KCTD20: variants seen among roughly 807,000 people sequenced by gnomAD.
KCTD20 encodes the protein potassium channel tetramerization domain containing 20.
Under a neutral mutation model 39.6 loss-of-function variants are expected in KCTD20, and 30 were observed. The ratio of observed to expected loss-of-function variants is 0.76; its 90% confidence interval spans 0.57 to 1.03. The LOEUF is 1.03. Among genes scored for constraint, KCTD20 ranks in the 50% least tolerant of loss-of-function variants. The pLI is 0.00. For missense variants in KCTD20, 422 were observed against 522.0 expected, an observed-to-expected ratio of 0.81 and a Z score of 1.87; for synonymous variants, 162 against 180.6, an observed-to-expected ratio of 0.90 and a Z score of 0.83.
intron 1 of KCTD20, among the ~76,000 whole-genome samples, chr6:36,462,484 G>A (rs1039640567): frequency 6.6e-6 from 1 of 152,170 alleles, no homozygotes; most frequent in African/African-American, 2.4e-5. Flanking sequence ...GATCACTTGA[G>A]GAGCGTGTTA....
At chr6:36,445,905 T>C (rs1197740509) in intron 1 of KCTD20, among the ~76,000 whole-genome samples, 2 of 151,762 alleles carry the variant, frequency 1.3e-5, no homozygotes, top group African/African-American at 2.4e-5. Flanking sequence ...ACCATATAAA[T>C]CATAAAAAGT....
chr6:36,479,264 G>T (rs757222247), intron 4 of KCTD20, 41 bp downstream of exon 4: 15 of 1,395,504 alleles, frequency 1.1e-5, no homozygotes, highest in Non-Finnish European at 1.5e-5. Context: ...TTCCTCAGGG[G>T]CATGTGTGAT....
At chr6:36,464,203 A>T (rs2127439529) in intron 1 of KCTD20, among the ~76,000 whole-genome samples, 1 of 152,218 alleles carries the variant, frequency 6.6e-6, no homozygotes, top group East Asian at 1.9e-4. Context: ...TTGACATTAT[A>T]ATTCTGAAAC....
chr6:36,473,220 T>C (rs925108237), intron 2 of KCTD20, among the ~76,000 whole-genome samples: 2 of 151,710 alleles, frequency 1.3e-5, no homozygotes, highest in Non-Finnish European at 2.9e-5. Context: ...GCCACCACAC[T>C]CAGCTAATTT....
intron 1 of KCTD20, among the ~76,000 whole-genome samples, chr6:36,448,066 G>A (rs868051828): frequency 7.0e-6 from 1 of 142,864 alleles, no homozygotes; most frequent in Admixed American, 7.0e-5. Context: ...TTTATGATAA[G>A]TATAAAGTAA....
In KCTD20 at chr6:36,474,910, T is replaced by C. The variant is rs766126006; in HGVS notation, c.282T>C (p.Phe94=). The change falls in exon 3 of 8, where the codon TTT becomes TTC. Residue 94 remains phenylalanine, a synonymous_variant. Coordinates refer to ENST00000373731, the MANE Select transcript of KCTD20 (RefSeq NM_173562.5). ...QSGNKRNHEP[F]IAPERFGNSS... is the part of the protein sequence containing the mutation. The stretch of plus-strand genomic sequence containing the variant: ...GGAATAAACGGAACCATGAACCTTT[T>C]ATTGCTCCAGAAAGATTTGGAAACA... 4.3e-6 allele frequency: 7 copies of C among 1,614,026 alleles called. No individual in the cohort carries two copies. Among genetic ancestry groups the C allele is most frequent in the Non-Finnish European group, 5.1e-6 (6 of 1,180,032 alleles).
At position 36,481,551 on chromosome 6, in the gene KCTD20, T is replaced by G; in HGVS notation, c.659-11T>G. On this transcript the variant is annotated splice_polypyrimidine_tract_variant and intron_variant, in intron 5 of 7. Transcript: ENST00000373731. ...GCAGAAAGCATGTTCACCTACATTT[T>G]CTCTCTGCAGGTGCTTTACTCCATG... 6.2e-7 allele frequency: 1 copy of G among 1,602,444 alleles called. No homozygotes were observed. The highest frequency in any genetic ancestry group is 8.6e-7 in the Non-Finnish European group (1 of 1,169,338).
intron 1 of KCTD20, among the ~76,000 whole-genome samples, chr6:36,467,925 TTG>T (rs1775809698): frequency 6.6e-6 from 1 of 152,114 alleles, no homozygotes; most frequent in Non-Finnish European, 1.5e-5. Context: ...AGTATATAAT[TTG>T]TGTGTTTTTT....
chr6:36,465,083 G>A (rs1012187451), intron 1 of KCTD20, among the ~76,000 whole-genome samples: 1 of 152,052 alleles, frequency 6.6e-6, no homozygotes, highest in African/African-American at 2.4e-5. Context: ...GGATCATGAG[G>A]TCAGGAGATC....
chr6:36,462,442 C>T (rs1046936951), intron 1 of KCTD20, among the ~76,000 whole-genome samples: 1 of 152,116 alleles, frequency 6.6e-6, no homozygotes, highest in Non-Finnish European at 1.5e-5. Context: ...TATACTGAAA[C>T]AGTAGTTCCC....
At chr6:36,458,414 G>A (rs1711501093) in intron 1 of KCTD20, among the ~76,000 whole-genome samples, 1 of 151,346 alleles carries the variant, frequency 6.6e-6, no homozygotes, top group Non-Finnish European at 1.5e-5. Flanking sequence ...GGTGGTGCAT[G>A]TCTGTAATCC....
chr6:36,457,499 C>G (rs550940084), intron 1 of KCTD20, among the ~76,000 whole-genome samples: 1 of 152,182 alleles, frequency 6.6e-6, no homozygotes, highest in African/African-American at 2.4e-5. Flanking sequence ...CTTGAGCCCA[C>G]AAGTTAGAGA....
At chr6:36,472,619 CG>C (rs1775946209) in intron 2 of KCTD20, among the ~76,000 whole-genome samples, 1 of 150,598 alleles carries the variant, frequency 6.6e-6, no homozygotes, top group African/African-American at 2.4e-5. Flanking sequence ...GGTGATGGGG[CG>C]TATGTATTAT....
At chr6:36,465,286 G>C (rs1775712941) in intron 1 of KCTD20, among the ~76,000 whole-genome samples, 1 of 127,788 alleles carries the variant, frequency 7.8e-6, no homozygotes. Context: ...AGAAGGGTGA[G>C]ATTCCGTCTC....
chr6:36,464,027 GAAAC>G (rs940292612), intron 1 of KCTD20, among the ~76,000 whole-genome samples: 115 of 152,224 alleles, frequency 7.6e-4, no homozygotes, highest in Middle Eastern at 3.4e-3. Context: ...AATAAAAAGA[GAAAC>G]AAAAGAACCT....
intron 1 of KCTD20, among the ~76,000 whole-genome samples, chr6:36,449,367 C>G (rs1775163569): frequency 6.6e-6 from 1 of 151,228 alleles, no homozygotes. Context: ...ATTTACAAAC[C>G]TTTAGCTAGA....
intron 3 of KCTD20, among the ~76,000 whole-genome samples, chr6:36,478,082 G>A (rs939582016): frequency 1.1e-3 from 126 of 115,914 alleles, no homozygotes; most frequent in Middle Eastern, 4.3e-3. Context: ...GCAACAGAGC[G>A]AAACTCCATC....
rs767054360 is a variant in KCTD20, at chr6:36,481,697, A to T, written c.794A>T (p.Asp265Val). ...ERECHIVVLT[D>V]EDSVDWDEDH... Reference sequence around the variant, plus strand: ...GAGTGCCACATTGTTGTGCTGACGGATGAGGATTCTGTGGACTGGGATGAA... The same window carrying T: ...GAGTGCCACATTGTTGTGCTGACGGTTGAGGATTCTGTGGACTGGGATGAA... The change falls in exon 6 of 8, where the codon GAT becomes GTT. Residue 265 changes from aspartate (D) to valine (V), a missense_variant. Coordinates refer to ENST00000373731, the MANE Select transcript of KCTD20 (RefSeq NM_173562.5). 6.2e-7 allele frequency: 1 copy of T among 1,614,086 alleles called. No homozygotes were observed. Among genetic ancestry groups the T allele is most frequent in the African/African-American group, 1.3e-5 (1 of 74,918 alleles).
At chr6:36,451,107 T>C (rs528085673) in intron 1 of KCTD20, 13 of 152,316 alleles carry the variant, frequency 8.5e-5, no homozygotes, top group South Asian at 6.2e-4. Flanking sequence ...AGACACCTGA[T>C]TGACATAGCG....
Sources: allele counts gnomAD v4.1 joint callset (sites outside exome capture counted in the v4.1 genomes callset), GRCh38; gene constraint gnomAD v4.1.1; transcripts MANE v1.5; gene names NCBI Gene and HGNC (gene_info 2026-07-23, HGNC 2026-07-21).